DNAJB6: variants seen among roughly 807,000 people sequenced by gnomAD.
The protein encoded by DNAJB6 is dnaJ homolog subfamily B member 6.
DNAJB6 carries 16 observed loss-of-function variants against 42.7 expected under a neutral mutation model. The observed-to-expected ratio is 0.37, with a 90% CI of 0.25 to 0.57. DNAJB6 has a LOEUF of 0.57. Ranked by LOEUF, DNAJB6 falls within the 20% of genes least tolerant of loss-of-function variation. The probability of loss-of-function intolerance (pLI) is 0.74; values close to 1 mark genes in which losing one functional copy is unlikely to be tolerated. For missense variants in DNAJB6, 347 were observed against 416.8 expected, an observed-to-expected ratio of 0.83 and a Z score of 1.46; for synonymous variants, 170 against 163.5, an observed-to-expected ratio of 1.04 and a Z score of -0.30.
At chr7:157,346,825 A>T (rs185966142) in intron 1 of DNAJB6, among the ~76,000 whole-genome samples, 394 of 152,236 alleles carry the variant, frequency 2.6e-3, no homozygotes, top group African/African-American at 8.9e-3. Context: ...AGACACGTGG[A>T]TTTCTCTTTC....
rs1427270939 is a variant in DNAJB6, at chr7:157,369,926, TATTATTAAACGGGACCCTTCTTAAG to T, written c.346+2457_346+2481del. Among the ~76,000 whole-genome samples the T allele has an allele frequency of 1.4e-3, 213 of 148,962 alleles. 2 individuals are homozygous for T. Among genetic ancestry groups the T allele is most frequent in the African/African-American group, 4.8e-3 (195 of 40,514 alleles). On this transcript the variant is annotated intron_variant, in intron 5 of 9. Transcript: ENST00000262177. ...TATTAAACAGGCCCCTTCTTAACATTATTATTAAACGGGACCCTTCTTAAGATTATTAAACGGGCCCTTTCTTAAC... is the reference window on the plus strand; with the variant it reads ...TATTAAACAGGCCCCTTCTTAACATTATTATTAAACGGGCCCTTTCTTAAC...
chr7:157,399,600 G>A (rs571373699), intron 8 of DNAJB6, among the ~76,000 whole-genome samples: 70 of 152,268 alleles, frequency 4.6e-4, no homozygotes, highest in Middle Eastern at 3.4e-3. Flanking sequence ...GCCTGAGTGC[G>A]GTGACATCAC....
intron 5 of DNAJB6, chr7:157,378,633 G>A (rs543416777): frequency 6.6e-6 from 1 of 152,216 alleles, no homozygotes; most frequent in African/African-American, 2.4e-5. Context: ...TTGCTTGCCT[G>A]TGCATGGTTA....
intron 1 of DNAJB6, chr7:157,337,400 C>T (rs1169281524): frequency 1.3e-5 from 2 of 152,128 alleles, no homozygotes. Flanking sequence ...CGCCCGGCGT[C>T]CTTGCCGGAA....
chr7:157,368,669 C>G (rs1423808309), intron 5 of DNAJB6: 1 of 153,180 alleles, frequency 6.5e-6, no homozygotes, highest in Admixed American at 6.5e-5. Context: ...GTCTTCTCAA[C>G]CACTGGGACT....
At chr7:157,400,918 C>A (rs1035953694) in intron 8 of DNAJB6, among the ~76,000 whole-genome samples, 3 of 152,230 alleles carry the variant, frequency 2.0e-5, no homozygotes, top group Admixed American at 2.0e-4. Flanking sequence ...GTGGCTGTGA[C>A]CCCGGACTCT....
At chr7:157,369,862 C>T (rs545462822) in intron 5 of DNAJB6, among the ~76,000 whole-genome samples, 14 of 150,630 alleles carry the variant, frequency 9.3e-5, no homozygotes, top group African/African-American at 3.0e-4. Flanking sequence ...CGGGCCCCTT[C>T]TTCACATTAT....
intron 5 of DNAJB6, chr7:157,372,314 A>G (rs561211587): frequency 9.8e-5 from 15 of 153,032 alleles, no homozygotes; most frequent in African/African-American, 3.1e-4. Context: ...CGAGGCCTGC[A>G]CAGGATGTAA....
chr7:157,366,180 A>G (rs999549926), intron 3 of DNAJB6, among the ~76,000 whole-genome samples: 2 of 152,088 alleles, frequency 1.3e-5, no homozygotes, highest in African/African-American at 4.8e-5. Context: ...CAAACTCCTG[A>G]CCTCAGGTGA....
intron 5 of DNAJB6, among the ~76,000 whole-genome samples, chr7:157,376,386 A>G (rs1800474492): frequency 6.6e-6 from 1 of 152,200 alleles, no homozygotes; most frequent in East Asian, 1.9e-4. Flanking sequence ...ATAGCATGAT[A>G]TTGCAAAATT....
chr7:157,366,470 T>C (rs1191853423), intron 3 of DNAJB6, 32 bp from the exon 4 acceptor site: 1 of 1,604,836 alleles, frequency 6.2e-7, no homozygotes. Flanking sequence ...TAAAAGGAAC[T>C]TGGCCTTACC....
intron 1 of DNAJB6, among the ~76,000 whole-genome samples, chr7:157,340,330 G>A (rs1474852168): frequency 6.6e-6 from 1 of 152,188 alleles, no homozygotes; most frequent in Non-Finnish European, 1.5e-5. Flanking sequence ...AGGCTCATTA[G>A]CGAGTAAGAG....
chr7:157,384,937 T>C lies in DNAJB6; in HGVS notation c.549T>C (p.Ser183=). 6.2e-7 allele frequency: 1 copy of C among 1,614,016 alleles called. No homozygotes were observed. Among genetic ancestry groups the C allele is most frequent in the Non-Finnish European group, 8.5e-7 (1 of 1,179,938 alleles). The part of the protein sequence containing the change: ...TSFSSTSFGG[S]GMGNFKSIST... The stretch of plus-strand genomic sequence containing the variant: ...TCTCTTCCACGTCATTTGGTGGTAG[T>C]GGCATGGGCAACTTCAAATCGATAT... Residue 183 remains serine, a synonymous_variant, in exon 7 of 10, where the codon AGT becomes AGC. Transcript: ENST00000262177.
At chr7:157,380,574 T>C (rs528253956) in intron 5 of DNAJB6, 5 of 152,512 alleles carry the variant, frequency 3.3e-5, no homozygotes, top group African/African-American at 1.2e-4. Context: ...GCATCCCCAT[T>C]CTGGCACTCC....
chr7:157,389,244 C>A (rs1476805421), intron 8 of DNAJB6, among the ~76,000 whole-genome samples: 1 of 152,120 alleles, frequency 6.6e-6, no homozygotes, highest in Non-Finnish European at 1.5e-5. Flanking sequence ...CATTTCTTTC[C>A]GGGAATACTG....
chr7:157,341,000 G>GCGCGCGCT lies in DNAJB6; in HGVS notation c.-27+3863_-27+3864insTCGCGCGC, dbSNP rs778274297. Reference sequence around the variant, plus strand: ...TGTGTGTGTGTGTGTGTGTGTGTGCGCGCGCGCAGGTGGAATCACCCTGTG... The same window carrying GCGCGCGCT: ...TGTGTGTGTGTGTGTGTGTGTGTGCGCGCGCGCTCGCGCGCAGGTGGAATCACCCTGTG... On this transcript the variant is annotated intron_variant, in intron 1 of 9. Transcript: ENST00000262177. Among the ~76,000 whole-genome samples the GCGCGCGCT allele has an allele frequency of 2.0e-3, 293 of 147,598 alleles. 1 individual carries two copies. Among genetic ancestry groups the GCGCGCGCT allele is most frequent in the Non-Finnish European group, 3.4e-3 (230 of 67,656 alleles).
At chr7:157,376,819 G>C (rs1178161318) in intron 5 of DNAJB6, among the ~76,000 whole-genome samples, 1 of 152,178 alleles carries the variant, frequency 6.6e-6, no homozygotes, top group East Asian at 1.9e-4. Flanking sequence ...GGCAGAGGTT[G>C]CAGTGAGCCA....
chr7:157,417,371 T>C lies in DNAJB6; in HGVS notation c.*1273T>C, dbSNP rs577013441. On this transcript the variant is annotated 3_prime_UTR_variant, in exon 10 of 10. Coordinates refer to ENST00000262177, the MANE Select transcript of DNAJB6 (RefSeq NM_058246.4). ...GGTATTTGATGCTTTCTGTGGACAA[T>C]GTAACCCTAAACACATCATGTATTT... 6.6e-6 allele frequency: 1 copy of C among 152,332 alleles called. No homozygotes were observed. Among genetic ancestry groups the C allele is most frequent in the East Asian group, 1.9e-4 (1 of 5,184 alleles). The allele number at this position is 152,332 out of a possible 1,614,324, so 9.4% of individuals were successfully genotyped here.
chr7:157,377,857 G>A (rs945297300), intron 5 of DNAJB6, among the ~76,000 whole-genome samples: 1 of 152,132 alleles, frequency 6.6e-6, no homozygotes, highest in Non-Finnish European at 1.5e-5. Flanking sequence ...GGGCTTAATC[G>A]TCAAGTGAGG....
Sources: gnomAD v4.1 joint callset for allele counts (sites outside exome capture counted in the v4.1 genomes callset) on GRCh38, gnomAD v4.1.1 for gene constraint, MANE v1.5 for transcripts, NCBI Gene and HGNC (gene_info 2026-07-23, HGNC 2026-07-21) for gene names.